The following NREP variants were observed in gnomAD, a reference collection of about 807,000 sequenced individuals.
NREP encodes neuronal regeneration related protein.
NREP carries 5 observed loss-of-function variants against 8.6 expected under a neutral mutation model. The observed-to-expected ratio is 0.58, with a 90% CI of 0.30 to 1.22. NREP has a LOEUF of 1.22. Ranked by LOEUF, NREP falls within the 50% of genes most tolerant of loss-of-function variation. The probability of loss-of-function intolerance (pLI) is 0.07; values close to 1 mark genes in which losing one functional copy is unlikely to be tolerated. For synonymous variants in NREP, 27 were observed against 28.0 expected (o/e 0.96, Z 0.11); for missense variants, 86 against 82.5 (o/e 1.04, Z -0.17).
At chr5:111,940,135 G>T (rs767299058) in intron 2 of NREP, 2 of 152,042 alleles carry the variant, frequency 1.3e-5, no homozygotes, top group Non-Finnish European at 2.9e-5. Context: ...GAATAGCACA[G>T]TAAGTTGTCA....
chr5:111,944,976 A>T (rs1190089623), intron 2 of NREP, among the ~76,000 whole-genome samples: 1 of 152,122 alleles, frequency 6.6e-6, no homozygotes, highest in East Asian at 1.9e-4. Flanking sequence ...TTGATTAGTT[A>T]ACAATTTCTA....
intron 2 of NREP, among the ~76,000 whole-genome samples, chr5:111,777,707 G>A (rs1280090255): frequency 1.3e-5 from 2 of 152,078 alleles, no homozygotes; most frequent in Admixed American, 6.6e-5. Context: ...AAAAAGCAAC[G>A]TTTTTGAGGG....
chr5:111,846,646 C>A (rs1195770061), intron 2 of NREP: 3 of 151,876 alleles, frequency 2.0e-5, no homozygotes, highest in Non-Finnish European at 4.4e-5. Context: ...AAAAAATATT[C>A]TGTAGCTCAC....
At chr5:111,764,224 C>T (rs866766254) in intron 2 of NREP, among the ~76,000 whole-genome samples, 9 of 152,146 alleles carry the variant, frequency 5.9e-5, no homozygotes, top group African/African-American at 2.2e-4. Flanking sequence ...CTTCAGCTGA[C>T]CACTAGTTGT....
At chr5:111,888,743 T>C (rs1186289709) in intron 2 of NREP, among the ~76,000 whole-genome samples, 1 of 152,234 alleles carries the variant, frequency 6.6e-6, no homozygotes, top group Non-Finnish European at 1.5e-5. Context: ...CTTCTCCTTC[T>C]GTGCTTTGCC....
chr5:111,859,097 A>G (rs984364664), intron 2 of NREP, among the ~76,000 whole-genome samples: 10 of 152,160 alleles, frequency 6.6e-5, no homozygotes, highest in Admixed American at 5.2e-4. Flanking sequence ...GCTGACTTAC[A>G]TAATGTGAAT....
At chr5:111,857,799 G>A (rs937051989) in intron 2 of NREP, among the ~76,000 whole-genome samples, 19 of 152,088 alleles carry the variant, frequency 1.2e-4, no homozygotes, top group African/African-American at 4.6e-4. Context: ...GAAAATAAAT[G>A]GATGCATATG....
intron 2 of NREP, among the ~76,000 whole-genome samples, chr5:111,947,824 A>G (rs1352034219): frequency 6.6e-6 from 1 of 152,032 alleles, no homozygotes; most frequent in Admixed American, 6.6e-5. Flanking sequence ...TATTTTAGTT[A>G]TCTTGTACAT....
chr5:111,929,671 T>C (rs1396571251), intron 2 of NREP, among the ~76,000 whole-genome samples: 1 of 152,212 alleles, frequency 6.6e-6, no homozygotes, highest in Non-Finnish European at 1.5e-5. Flanking sequence ...CACATTTTCA[T>C]GGCTGGCAAA....
Position 111,872,467 on chromosome 5 carries a change from C to T in NREP, c.135+102807G>A, listed in dbSNP as rs145871893. ...ATTTGACCAAATATCTGGATATCCT[C>T]ATGGTCCAGTCAAGTTGCCACATAA... On this transcript the variant is annotated intron_variant, in intron 2 of 3. Transcript: ENST00000395634. Among the ~76,000 whole-genome samples, 3 of 152,280 alleles carry T rather than the reference C, an allele frequency of 2.0e-5. No homozygotes were observed. The East Asian group carries it at 5.8e-4, about 30-fold the overall frequency.
At chr5:111,891,434 G>C (rs1320314495) in intron 2 of NREP, among the ~76,000 whole-genome samples, 1 of 152,110 alleles carries the variant, frequency 6.6e-6, no homozygotes, top group Non-Finnish European at 1.5e-5. Context: ...TCTGAGTCTT[G>C]AAAACTCTTC....
intron 2 of NREP, among the ~76,000 whole-genome samples, chr5:111,767,776 C>A (rs944955803): frequency 6.6e-6 from 1 of 152,122 alleles, no homozygotes; most frequent in African/African-American, 2.4e-5. Flanking sequence ...AGTGATCCTC[C>A]CACCTCAGCC....
chr5:111,748,914 T>TA (rs796890542), intron 2 of NREP, among the ~76,000 whole-genome samples: 185 of 152,288 alleles, frequency 1.2e-3, no homozygotes, highest in African/African-American at 3.4e-3. Flanking sequence ...AAACATGTGA[T>TA]AAGTATACAG....
At chr5:111,849,205 A>G (rs1250744717) in intron 2 of NREP, among the ~76,000 whole-genome samples, 1 of 152,128 alleles carries the variant, frequency 6.6e-6, no homozygotes, top group East Asian at 1.9e-4. Flanking sequence ...TAGACATGGT[A>G]TCTAGCCTGT....
In NREP at chr5:111,769,506, C is replaced by T. The variant is rs558087087; in HGVS notation, c.136-33999G>A. 5.9e-5 allele frequency among the ~76,000 whole-genome samples: 9 copies of T among 152,296 alleles called. No individual in the cohort carries two copies. The East Asian group carries it at 1.7e-3, about 29-fold the overall frequency. ...CTTTGAGGCAGCACTTGAGCTAGGA[C>T]CTGAATAAGAAGCCAAGGTTGAAAG... On this transcript the variant is annotated intron_variant, in intron 2 of 3. Coordinates refer to the NREP transcript ENST00000395634.
chr5:111,871,485 G>T (rs1053203172), intron 2 of NREP, among the ~76,000 whole-genome samples: 2 of 151,834 alleles, frequency 1.3e-5, no homozygotes, highest in African/African-American at 2.4e-5. Flanking sequence ...GTAGACTTAG[G>T]CTACACTAAA....
chr5:111,768,842 T>C (rs567172042), intron 2 of NREP, among the ~76,000 whole-genome samples: 417 of 152,334 alleles, frequency 2.7e-3, no homozygotes, highest in Non-Finnish European at 4.2e-3. Context: ...TATACCTGTC[T>C]GGTAGAACCA....
chr5:111,859,761 C>T (rs972944886), intron 2 of NREP, among the ~76,000 whole-genome samples: 16 of 152,070 alleles, frequency 1.1e-4, no homozygotes, highest in Admixed American at 8.5e-4. Context: ...TACCATCCCA[C>T]AGGCAACTTT....
chr5:111,883,955 G>C (rs1213400364), intron 2 of NREP, among the ~76,000 whole-genome samples: 1 of 151,884 alleles, frequency 6.6e-6, no homozygotes, highest in Admixed American at 6.6e-5. Flanking sequence ...CTAGCAGAAG[G>C]CAAGAAATAA....
Sources: allele counts gnomAD v4.1 joint callset (sites outside exome capture counted in the v4.1 genomes callset), GRCh38; gene constraint gnomAD v4.1.1; transcripts MANE v1.5; gene names NCBI Gene and HGNC (gene_info 2026-07-23, HGNC 2026-07-21).